Variants in TTLL7 observed in about 807,000 individuals in gnomAD.
TTLL7 encodes the protein tubulin polyglutamylase TTLL7.
A neutral mutation model predicts 120.2 loss-of-function variants in TTLL7; 53 were observed. That is an observed-to-expected ratio of 0.44 (90% CI 0.35 to 0.55). The LOEUF is 0.55. Among genes scored for constraint, TTLL7 ranks in the 20% least tolerant of loss-of-function variants. The pLI, the probability that TTLL7 is intolerant of heterozygous loss-of-function variation, is 0.00. For synonymous variants in TTLL7, 353 were observed against 351.7 expected, an observed-to-expected ratio of 1.00 and a Z score of -0.04; for missense variants, 803 against 1,054.7, an observed-to-expected ratio of 0.76 and a Z score of 3.31.
chr1:83,938,431 T>A (rs1347633880), intron 7 of TTLL7, among the ~76,000 whole-genome samples: 1 of 152,186 alleles, frequency 6.6e-6, no homozygotes, highest in Non-Finnish European at 1.5e-5. Context: ...TGAGAGAGCA[T>A]TCTATGGCTT....
At chr1:83,894,048 AGTTT>A (rs1246605827) in intron 18 of TTLL7, among the ~76,000 whole-genome samples, 3 of 152,160 alleles carry the variant, frequency 2.0e-5, no homozygotes, top group Non-Finnish European at 4.4e-5. Context: ...TTAAGCTATT[AGTTT>A]AACTCTTTAT....
intron 2 of TTLL7, 44 bp downstream of exon 2, chr1:83,952,143 T>TA: frequency 1.3e-6 from 2 of 1,581,374 alleles, no homozygotes; most frequent in Non-Finnish European, 1.7e-6. Context: ...TAATGATGTA[T>TA]AACACCTCCA....
chr1:83,892,230 ATATATATGAATATATATG>A lies in TTLL7; in HGVS notation c.2209-1767_2209-1750del, dbSNP rs1472867289. 6.1e-3 allele frequency among the ~76,000 whole-genome samples: 868 copies of A among 141,432 alleles called. 22 individuals are homozygous for A. Among genetic ancestry groups the A allele is most frequent in the African/African-American group, 0.021 (810 of 38,276 alleles). 92.8% of individuals were successfully genotyped at this position (141,432 alleles called of 152,430 possible). ...CACATATATATGAATATATATGTGT[ATATATATGAATATATATG>A]TATATATGAATATATATACGAATAT... On this transcript the variant is annotated intron_variant, in intron 18 of 20. Transcript: ENST00000260505.
At chr1:83,877,851 T>G (rs1654069083) in intron 20 of TTLL7, among the ~76,000 whole-genome samples, 1 of 151,808 alleles carries the variant, frequency 6.6e-6, no homozygotes, top group African/African-American at 2.4e-5. Context: ...TTTTTATTAT[T>G]TTTTTCTGTA....
intron 17 of TTLL7, among the ~76,000 whole-genome samples, chr1:83,906,099 A>G (rs998104393): frequency 6.6e-6 from 1 of 152,032 alleles, no homozygotes; most frequent in Non-Finnish European, 1.5e-5. Flanking sequence ...AAATAGCACT[A>G]TATACTAAAA....
At chr1:83,936,005 T>C (rs1647343594) in intron 8 of TTLL7, among the ~76,000 whole-genome samples, 1 of 152,154 alleles carries the variant, frequency 6.6e-6, no homozygotes, top group African/African-American at 2.4e-5. Flanking sequence ...CTAACTAACA[T>C]AGCCAAGAAT....
In TTLL7 at chr1:83,977,108, T is replaced by C. The variant is rs1216403159; in HGVS notation, c.-177+21823A>G. On this transcript the variant is annotated intron_variant, in intron 1 of 20. Transcript: ENST00000260505. ...ATATAGCTTTGATACCTTATATTGCTGATGAGGCAAAAGTTCTGTATTATC... is the reference window on the plus strand; with the variant it reads ...ATATAGCTTTGATACCTTATATTGCCGATGAGGCAAAAGTTCTGTATTATC... 2.0e-5 allele frequency among the ~76,000 whole-genome samples: 3 copies of C among 152,114 alleles called. No homozygotes were observed. The East Asian group carries it at 5.8e-4, about 29-fold the overall frequency.
intron 1 of TTLL7, among the ~76,000 whole-genome samples, chr1:83,974,052 C>T (rs1464831627): frequency 6.6e-6 from 1 of 151,912 alleles, no homozygotes; most frequent in East Asian, 1.9e-4. Flanking sequence ...TTTTTACTAA[C>T]TCATTTACAT....
chr1:83,919,723 C>T lies in TTLL7; in HGVS notation c.1476G>A (p.Leu492=). The change falls in exon 13 of 21, where the codon TTG becomes TTA. Residue 492 remains leucine, a synonymous_variant. Transcript: ENST00000260505. ...SGRAASFQRE[L]NNPLKRMKEE... Reference sequence around the variant, plus strand: ...CCTTCATCCTTTTCAAAGGATTATTCAACTCTCGCTGGAATGAAGCTGCTC... The same window carrying T: ...CCTTCATCCTTTTCAAAGGATTATTTAACTCTCGCTGGAATGAAGCTGCTC... 2 of 1,612,352 alleles carry T rather than the reference C, an allele frequency of 1.2e-6. No individual in the cohort carries two copies. Among genetic ancestry groups the T allele is most frequent in the Non-Finnish European group, 1.7e-6 (2 of 1,179,174 alleles).
At chr1:83,887,125 G>A (rs1655039285) in intron 19 of TTLL7, 1 of 630,592 alleles carries the variant, frequency 1.6e-6, no homozygotes. Flanking sequence ...CTACCACAAA[G>A]ATCTACATTA....
At chr1:83,997,242 TGTGA>T (rs1328900198) in intron 1 of TTLL7, among the ~76,000 whole-genome samples, 1 of 152,074 alleles carries the variant, frequency 6.6e-6, no homozygotes, top group Admixed American at 6.5e-5. Context: ...ATCAATACTA[TGTGA>T]GTATTTAGAG....
intron 1 of TTLL7, among the ~76,000 whole-genome samples, chr1:83,976,053 G>C (rs1028805820): frequency 5.3e-5 from 8 of 150,742 alleles, no homozygotes; most frequent in African/African-American, 2.0e-4. Context: ...GTGTGTGTGT[G>C]TGTGTGTGTG....
intron 1 of TTLL7, among the ~76,000 whole-genome samples, chr1:83,961,304 C>T (rs887502733): frequency 1.5e-4 from 23 of 151,954 alleles, no homozygotes; most frequent in African/African-American, 5.3e-4. Flanking sequence ...TTTTCAAATC[C>T]CTCTAAATTA....
intron 1 of TTLL7, among the ~76,000 whole-genome samples, chr1:83,994,233 T>C (rs1389321032): frequency 1.3e-5 from 2 of 152,214 alleles, no homozygotes; most frequent in East Asian, 1.9e-4. Flanking sequence ...ACTGATGGCA[T>C]AGTATAAGAA....
At chr1:83,961,272 G>A (rs1409300131) in intron 1 of TTLL7, among the ~76,000 whole-genome samples, 2 of 151,966 alleles carry the variant, frequency 1.3e-5, no homozygotes, top group African/African-American at 4.8e-5. Flanking sequence ...CTAATTTCTA[G>A]AATCAAACAA....
rs773647857 is a variant in TTLL7 at position 83,892,523 on chromosome 1, CATAT to C, written c.2209-2046_2209-2043del. Reference sequence around the variant, plus strand: ...ACATATGAATGAACATATATATGAACATATATATGAACATATGAATGAACATATA... The same window carrying C: ...ACATATGAATGAACATATATATGAACATATGAACATATGAATGAACATATA... On this transcript the variant is annotated intron_variant, in intron 18 of 20. Coordinates refer to ENST00000260505, the MANE Select transcript of TTLL7 (RefSeq NM_024686.6). 5.0e-5 allele frequency among the ~76,000 whole-genome samples: 6 copies of C among 119,444 alleles called. No individual in the cohort carries two copies. In the East Asian group the frequency reaches 1.4e-3, roughly 28 times the overall value. The allele number at this position is 119,444 out of a possible 152,430, so 78.4% of individuals were successfully genotyped here.
At chr1:83,904,238 T>C (rs1279247594) in intron 17 of TTLL7, 79 bp from the exon 18 acceptor site, 1 of 1,035,350 alleles carries the variant, frequency 9.7e-7, no homozygotes, top group Non-Finnish European at 1.4e-6. Flanking sequence ...GAAAGCACTA[T>C]AATATACTTG....
At chr1:83,929,387 C>A (rs1659401689) in intron 9 of TTLL7, among the ~76,000 whole-genome samples, 157 bp from the exon 10 acceptor site, 1 of 152,142 alleles carries the variant, frequency 6.6e-6, no homozygotes, top group Non-Finnish European at 1.5e-5. Context: ...CATCTCCATT[C>A]TGCATCACCC....
chr1:83,936,950 TCTTA>T (rs1469696054), intron 8 of TTLL7, among the ~76,000 whole-genome samples: 1 of 152,118 alleles, frequency 6.6e-6, no homozygotes, highest in Non-Finnish European at 1.5e-5. Context: ...CTTCACTCCT[TCTTA>T]CTTGTCTGAC....
Sources: allele counts gnomAD v4.1 joint callset (sites outside exome capture counted in the v4.1 genomes callset), GRCh38; gene constraint gnomAD v4.1.1; transcripts MANE v1.5; gene names NCBI Gene and HGNC (gene_info 2026-07-23, HGNC 2026-07-21).